SGCD: variants seen among roughly 807,000 people sequenced by gnomAD.
SGCD encodes sarcoglycan delta.
In SGCD, 18 loss-of-function variants were observed where a neutral mutation model predicts 36.6. The ratio of observed to expected loss-of-function variants is 0.49; its 90% confidence interval spans 0.34 to 0.73. The LOEUF is 0.73. Among genes scored for constraint, SGCD ranks in the 30% least tolerant of loss-of-function variants. The pLI is 0.01. For missense variants in SGCD, 387 were observed against 346.7 expected, an observed-to-expected ratio of 1.12 and a Z score of -0.92; for synonymous variants, 133 against 130.6, an observed-to-expected ratio of 1.02 and a Z score of -0.12.
intron 4 of SGCD, among the ~76,000 whole-genome samples, chr5:156,517,516 G>A (rs1757227950): frequency 6.6e-6 from 1 of 151,972 alleles, no homozygotes; most frequent in African/African-American, 2.4e-5. Context: ...TCCATGAGAA[G>A]ATCAACCCCA....
chr5:156,134,378 A>G (rs1762402733), intron 3 of SGCD, among the ~76,000 whole-genome samples: 1 of 152,084 alleles, frequency 6.6e-6, no homozygotes, highest in South Asian at 2.1e-4. Flanking sequence ...ACAGTACACC[A>G]TCTTCCCATT....
intron 1 of SGCD, among the ~76,000 whole-genome samples, chr5:155,876,808 T>A (rs1580965879): frequency 6.6e-6 from 1 of 152,270 alleles, no homozygotes; most frequent in South Asian, 2.1e-4. Flanking sequence ...GGTACAAGGA[T>A]ATTCTGCCTT....
intron 6 of SGCD, among the ~76,000 whole-genome samples, chr5:156,617,133 G>T (rs1448724753): frequency 6.6e-6 from 1 of 152,144 alleles, no homozygotes; most frequent in Admixed American, 6.5e-5. Context: ...TTGTCTCATA[G>T]ACTTAGAATA....
At position 156,020,459 on chromosome 5, in the gene SGCD, C is replaced by T. The variant is rs566843704; in HGVS notation, c.-281-97419C>T. Among the ~76,000 whole-genome samples the T allele has an allele frequency of 3.7e-4, 57 of 152,052 alleles. No homozygotes were observed. In the South Asian group the frequency reaches 0.01, roughly 27 times the overall value. On this transcript the variant is annotated intron_variant, in intron 1 of 9. Transcript: ENST00000517913. ...GCCACATTTTATCACATCATATGGGCGCACACTATAATTTAATTCATCAAC... is the reference window on the plus strand; with the variant it reads ...GCCACATTTTATCACATCATATGGGTGCACACTATAATTTAATTCATCAAC...
At chr5:156,618,750 A>G (rs947433049) in intron 6 of SGCD, among the ~76,000 whole-genome samples, 2 of 152,070 alleles carry the variant, frequency 1.3e-5, no homozygotes, top group African/African-American at 4.8e-5. Flanking sequence ...GCAGAAGGAA[A>G]AGGCATTTGT....
At chr5:155,814,858 A>G in the SGCD span, among the ~76,000 whole-genome samples, 4 of 152,330 alleles carry the variant, frequency 2.6e-5, no homozygotes, top group East Asian at 7.7e-4. Flanking sequence ...TCAAAACAGA[A>G]TGATTTCTAA....
intron 1 of SGCD, among the ~76,000 whole-genome samples, chr5:155,934,172 C>G (rs1053863474): frequency 6.6e-6 from 1 of 152,190 alleles, no homozygotes; most frequent in Non-Finnish European, 1.5e-5. Context: ...AGCCAAATCA[C>G]CAACTCATGG....
At chr5:155,829,734 T>C in the SGCD span, among the ~76,000 whole-genome samples, 1 of 152,212 alleles carries the variant, frequency 6.6e-6, no homozygotes, top group Non-Finnish European at 1.5e-5. Flanking sequence ...TTGTGTTCCC[T>C]GTTTTAAACA....
intron 7 of SGCD, among the ~76,000 whole-genome samples, chr5:156,656,059 C>T (rs762421168): frequency 5.9e-5 from 9 of 151,942 alleles, no homozygotes; most frequent in African/African-American, 1.5e-4. Context: ...GTACATGCCA[C>T]GGCAAATGTT....
chr5:156,268,933 T>A (rs1766077864), intron 3 of SGCD, among the ~76,000 whole-genome samples: 2 of 152,178 alleles, frequency 1.3e-5, no homozygotes, highest in Non-Finnish European at 2.9e-5. Context: ...GTTGAGCTTT[T>A]TTTTTCGTAT....
At chr5:156,109,470 C>T (rs771218486) in intron 1 of SGCD, among the ~76,000 whole-genome samples, 17 of 152,134 alleles carry the variant, frequency 1.1e-4, no homozygotes, top group Non-Finnish European at 1.9e-4. Context: ...TATGTTTAAA[C>T]TCCTTAATGT....
At chr5:155,878,873 G>A (rs763780946) in intron 1 of SGCD, among the ~76,000 whole-genome samples, 4 of 152,228 alleles carry the variant, frequency 2.6e-5, no homozygotes, top group African/African-American at 2.4e-5. Context: ...GCTTTATTTC[G>A]TTATTTAAAC....
intron 1 of SGCD, among the ~76,000 whole-genome samples, chr5:156,020,735 G>A (rs768502530): frequency 1.1e-4 from 16 of 152,122 alleles, no homozygotes; most frequent in Non-Finnish European, 1.6e-4. Flanking sequence ...CATCATCATC[G>A]CTAGTGTGTA....
At chr5:155,901,689 G>T (rs561938143) in intron 1 of SGCD, among the ~76,000 whole-genome samples, 1 of 152,178 alleles carries the variant, frequency 6.6e-6, no homozygotes, top group East Asian at 1.9e-4. Context: ...ATATCTGAAA[G>T]CTTCTGGAAT....
At chr5:156,118,784 T>A (rs1250984892) in intron 2 of SGCD, among the ~76,000 whole-genome samples, 1 of 152,180 alleles carries the variant, frequency 6.6e-6, no homozygotes, top group African/African-American at 2.4e-5. Flanking sequence ...TAAAAGTCAC[T>A]GGATGTTTTC....
the SGCD span, among the ~76,000 whole-genome samples, chr5:155,789,774 T>C: frequency 6.6e-6 from 1 of 152,088 alleles, no homozygotes; most frequent in Non-Finnish European, 1.5e-5. Context: ...ATGTTAGAAG[T>C]GTTTAGGACC....
chr5:156,670,437 C>T (rs911844648), intron 7 of SGCD, among the ~76,000 whole-genome samples: 15 of 152,280 alleles, frequency 9.9e-5, no homozygotes, highest in East Asian at 7.7e-4. Context: ...TTCACCAATA[C>T]GCAATTGCTT....
At chr5:156,287,661 G>GTGTA (rs1561601868) in intron 3 of SGCD, among the ~76,000 whole-genome samples, 1 of 146,034 alleles carries the variant, frequency 6.8e-6, no homozygotes, top group African/African-American at 2.5e-5. Flanking sequence ...GTGTGTGTGT[G>GTGTA]TATGTGTGTA....
At chr5:155,734,316 C>A in the SGCD span, among the ~76,000 whole-genome samples, 1 of 151,840 alleles carries the variant, frequency 6.6e-6, no homozygotes, top group Middle Eastern at 3.4e-3. Flanking sequence ...ACCATCCTCC[C>A]ACTGCAGCCT....
Sources: gnomAD v4.1 joint callset for allele counts (sites outside exome capture counted in the v4.1 genomes callset) on GRCh38, gnomAD v4.1.1 for gene constraint, MANE v1.5 for transcripts, NCBI Gene and HGNC (gene_info 2026-07-23, HGNC 2026-07-21) for gene names.